The following CDH10 variants were observed in gnomAD, a reference collection of about 807,000 sequenced individuals.
CDH10 encodes the protein cadherin-10.
In CDH10, 30 loss-of-function variants were observed where a neutral mutation model predicts 73.1. The ratio of observed to expected loss-of-function variants is 0.41; its 90% CI spans 0.31 to 0.56. CDH10 has a LOEUF of 0.56. CDH10 is among the 20% of genes least tolerant of loss of function. The probability of loss-of-function intolerance (pLI) is 0.27; values close to 1 mark genes in which losing one functional copy is unlikely to be tolerated. For synonymous variants in CDH10, 345 were observed against 348.2 expected (o/e 0.99, Z 0.10); for missense variants, 815 against 973.7 (o/e 0.84, Z 2.17).
intron 8 of CDH10, among the ~76,000 whole-genome samples, chr5:24,499,719 G>C (rs1308525163): frequency 3.0e-5 from 3 of 99,626 alleles, no homozygotes; most frequent in Non-Finnish European, 7.2e-5. Context: ...TTTCAAACTT[G>C]TTTTGATATG....
chr5:24,596,370 C>CT (rs397972901), intron 1 of CDH10, among the ~76,000 whole-genome samples: 99 of 147,618 alleles, frequency 6.7e-4, no homozygotes, highest in South Asian at 2.2e-3. Context: ...TCTCAGCTGT[C>CT]TTTTTTTTTT....
chr5:24,577,991 C>A (rs985927147), intron 2 of CDH10, among the ~76,000 whole-genome samples: 5 of 152,158 alleles, frequency 3.3e-5, no homozygotes, highest in Non-Finnish European at 7.3e-5. Flanking sequence ...GCCTGACCTT[C>A]ACTTGTAATG....
intron 3 of CDH10, among the ~76,000 whole-genome samples, chr5:24,537,126 G>T (rs1304039492): frequency 6.6e-6 from 1 of 151,734 alleles, no homozygotes; most frequent in East Asian, 1.9e-4. Context: ...TTCTACTGAA[G>T]TTCAATGATA....
chr5:24,487,881 T>C lies in CDH10; in HGVS notation c.2149A>G (p.Arg717Gly). The change falls in exon 12 of 12, where the codon AGG (arginine) becomes GGG (glycine). Residue 717 changes from arginine (R) to glycine (G), a missense_variant. Arg to Gly is a moderately radical substitution (Grantham distance 125). Transcript: ENST00000264463. ...NTDVRDFINE[R>G]LKEHDLDPTA... ...GGGTCAAGATCATGCTCTTTTAGCC[T>C]TTCATTAATGAAATCCCGGACGTCC... The C allele has an allele frequency of 6.2e-7, 1 of 1,613,996 alleles. No homozygotes were observed. The highest frequency in any genetic ancestry group is 8.5e-7 in the Non-Finnish European group (1 of 1,179,966).
Position 24,595,721 on chromosome 5 carries a change from A to G in CDH10, c.-123-2108T>C, listed in dbSNP as rs574535279. Among the ~76,000 whole-genome samples, 7 of 152,074 alleles carry G rather than the reference A, an allele frequency of 4.6e-5. No individual in the cohort carries two copies. In the South Asian group the frequency reaches 1.4e-3, roughly 31 times the overall value. ...TTCTTCTACAAAAGCTTTAAAACCTATTGAAGAAACAGTCATTCTCATTTC... is the reference window on the plus strand; with the variant it reads ...TTCTTCTACAAAAGCTTTAAAACCTGTTGAAGAAACAGTCATTCTCATTTC... On this transcript the variant is annotated intron_variant, in intron 1 of 11. Coordinates refer to ENST00000264463, the MANE Select transcript of CDH10 (RefSeq NM_006727.5).
intron 1 of CDH10, among the ~76,000 whole-genome samples, chr5:24,625,859 T>A (rs1263044150): frequency 6.6e-6 from 1 of 151,814 alleles, no homozygotes; most frequent in Non-Finnish European, 1.5e-5. Flanking sequence ...AATACTTTCA[T>A]TATATATTAC....
intron 1 of CDH10, among the ~76,000 whole-genome samples, chr5:24,599,459 A>G (rs1746485329): frequency 6.6e-6 from 1 of 152,088 alleles, no homozygotes; most frequent in African/African-American, 2.4e-5. Flanking sequence ...ATTAAAGATT[A>G]TTTTTCTTCT....
chr5:24,579,230 A>G (rs191219949), intron 2 of CDH10, among the ~76,000 whole-genome samples: 143 of 152,042 alleles, frequency 9.4e-4, no homozygotes, highest in African/African-American at 3.3e-3. Flanking sequence ...TAAGAGTAAA[A>G]TGGTAAACAT....
intron 8 of CDH10, among the ~76,000 whole-genome samples, chr5:24,501,461 G>T (rs12520949): frequency 0.16 from 24,587 of 152,120 alleles, 2,072 homozygotes; most frequent in Admixed American, 0.21. Context: ...AGTGTTCCAA[G>T]GAAGAATCAA....
At chr5:24,522,944 C>A (rs74909355) in intron 5 of CDH10, among the ~76,000 whole-genome samples, 2,506 of 152,148 alleles carry the variant, frequency 0.016, 22 homozygotes, top group Admixed American at 0.032. Context: ...ACATTTAGTG[C>A]TGTAGTGAGA....
chr5:24,593,571 G>T lies in CDH10; in HGVS notation c.-81C>A, dbSNP rs1339505312. The T allele has an allele frequency of 7.2e-6, 5 of 689,936 alleles. No homozygotes were observed. In the East Asian group the frequency reaches 1.1e-4, roughly 15 times the overall value. 42.7% of individuals were successfully genotyped at this position (689,936 alleles called of 1,614,324 possible). ...CAGTTGGTTTTACTGTGTTTCAACT[G>T]GTTTCCAACATTTCATCAATGTTTT... On this transcript the variant is annotated 5_prime_UTR_variant, in exon 2 of 12. Coordinates refer to ENST00000264463, the MANE Select transcript of CDH10 (RefSeq NM_006727.5).
chr5:24,523,862 A>G (rs1403634806), intron 5 of CDH10, among the ~76,000 whole-genome samples: 5 of 152,136 alleles, frequency 3.3e-5, no homozygotes, highest in Admixed American at 3.3e-4. Context: ...TTTCACATTA[A>G]AATGAATCTA....
chr5:24,546,531 T>C lies in CDH10; in HGVS notation c.232-8857A>G, dbSNP rs557648218. On this transcript the variant is annotated intron_variant, in intron 2 of 11. Transcript: ENST00000264463. The stretch of plus-strand genomic sequence containing the variant: ...TTCGTACTCATCTATAAAGATCCTA[T>C]TTATCCAATTATACTTTTTACATGT... Among the ~76,000 whole-genome samples, 7 of 152,254 alleles carry C rather than the reference T, an allele frequency of 4.6e-5. No homozygotes were observed. In the South Asian group the frequency reaches 1.5e-3, roughly 32 times the overall value.
chr5:24,599,925 C>T (rs1487603510), intron 1 of CDH10, among the ~76,000 whole-genome samples: 1 of 151,880 alleles, frequency 6.6e-6, no homozygotes, highest in East Asian at 1.9e-4. Context: ...ATGTGTAGTC[C>T]CATTTTATAA....
At chr5:24,541,000 A>C (rs1744134595) in intron 2 of CDH10, among the ~76,000 whole-genome samples, 1 of 151,940 alleles carries the variant, frequency 6.6e-6, no homozygotes, top group Non-Finnish European at 1.5e-5. Flanking sequence ...ACTAAAAAAA[A>C]ACCTTACACT....
At chr5:24,513,522 G>A (rs1742996239) in intron 5 of CDH10, among the ~76,000 whole-genome samples, 1 of 152,098 alleles carries the variant, frequency 6.6e-6, no homozygotes, top group Admixed American at 6.5e-5. Context: ...CTAGAATTGG[G>A]AGAAAATACA....
At chr5:24,581,442 T>C (rs1055254529) in intron 2 of CDH10, among the ~76,000 whole-genome samples, 1 of 152,198 alleles carries the variant, frequency 6.6e-6, no homozygotes, top group Non-Finnish European at 1.5e-5. Context: ...CTACATCTCT[T>C]CTTTTCTGAT....
At chr5:24,626,849 TAA>T (rs1396104192) in intron 1 of CDH10, among the ~76,000 whole-genome samples, 25 of 142,354 alleles carry the variant, frequency 1.8e-4, no homozygotes, top group African/African-American at 4.0e-4. Context: ...TATATATATA[TAA>T]GTGTATATAT....
At chr5:24,598,885 T>C (rs1270066201) in intron 1 of CDH10, among the ~76,000 whole-genome samples, 4 of 152,164 alleles carry the variant, frequency 2.6e-5, no homozygotes, top group South Asian at 2.1e-4. Flanking sequence ...CTTTATGTGA[T>C]AATTTGCAAA....
Sources: allele counts gnomAD v4.1 joint callset (sites outside exome capture counted in the v4.1 genomes callset), GRCh38; gene constraint gnomAD v4.1.1; transcripts MANE v1.5; gene names NCBI Gene and HGNC (gene_info 2026-07-23, HGNC 2026-07-21).